LYRM2: variants seen among roughly 807,000 people sequenced by gnomAD.
The protein encoded by LYRM2 is LYR motif-containing protein 2.
A neutral mutation model predicts 11.6 loss-of-function variants in LYRM2; 8 were observed. The observed-to-expected ratio is 0.69, with a 90% CI of 0.40 to 1.24. The LOEUF (loss-of-function observed/expected upper bound fraction) is 1.24. Among genes scored for constraint, LYRM2 ranks in the 50% most tolerant of loss-of-function variants. LYRM2 has a pLI of 0.01. For synonymous variants in LYRM2, 30 were observed against 36.4 expected (o/e 0.83, Z 0.63); for missense variants, 117 against 102.9 (o/e 1.14, Z -0.59).
In LYRM2 at chr6:89,637,050, T is replaced by A. The variant is rs1808025035; in HGVS notation, c.*223A>T. On this transcript the variant is annotated 3_prime_UTR_variant, in exon 3 of 3. Coordinates refer to ENST00000523377, the MANE Select transcript of LYRM2 (RefSeq NM_020466.5). ...ATCTACTGGCCATTTGTTAGTGGTT[T>A]TTTTCTTCTTTTAAGAACTGCTGAG... 1 of 408,934 alleles carries A rather than the reference T, an allele frequency of 2.4e-6. No homozygotes were observed. Among genetic ancestry groups the A allele is most frequent in the African/African-American group, 2.1e-5 (1 of 48,344 alleles). The allele number at this position is 408,934 out of a possible 1,614,324, so 25.3% of individuals were successfully genotyped here.
Position 89,635,640 on chromosome 6 carries a change from A to G in LYRM2, c.*1633T>C, listed in dbSNP as rs1377213484. The G allele has an allele frequency of 6.6e-6, 1 of 152,242 alleles. No individual in the cohort carries two copies. Among genetic ancestry groups the G allele is most frequent in the Non-Finnish European group, 1.5e-5 (1 of 68,038 alleles). The allele number at this position is 152,242 out of a possible 1,614,324, so 9.4% of individuals were successfully genotyped here. A position where few individuals can be genotyped will look rare whatever the true frequency, so the allele number is the denominator to read the frequency against. ...AGCTTCTTAGCTGTTCTGTTGATAA[A>G]CAGAAGACTTCAATTTTCAGGATGG... On this transcript the variant is annotated 3_prime_UTR_variant, in exon 3 of 3. Transcript: ENST00000523377.
chr6:89,638,211 G>T lies in LYRM2; in HGVS notation c.46-329C>A, dbSNP rs570203419. On this transcript the variant is annotated intron_variant, in intron 1 of 2. Transcript: ENST00000523377. ...AAAGAAAGCATCACGAGGTTCATCT[G>T]ATCTTTTTGCTTACTGCTCTGTCAA... 2.6e-3 allele frequency: 2,425 copies of T among 919,094 alleles called. 6 individuals carry two copies. The highest frequency in any genetic ancestry group is 3.0e-3 in the Non-Finnish European group (2,159 of 724,170). The allele number at this position is 919,094 out of a possible 1,614,324, so 56.9% of individuals were successfully genotyped here.
At position 89,637,236 on chromosome 6, in the gene LYRM2, A is replaced by G. The variant is rs1398642432; in HGVS notation, c.*37T>C. The G allele has an allele frequency of 7.1e-6, 7 of 981,350 alleles. No individual in the cohort carries two copies. In the African/African-American group the frequency reaches 9.6e-5, roughly 13 times the overall value. 60.8% of individuals were successfully genotyped at this position (981,350 alleles called of 1,614,324 possible). A position where few individuals can be genotyped will look rare whatever the true frequency, so the allele number is the denominator to read the frequency against. On this transcript the variant is annotated 3_prime_UTR_variant, in exon 3 of 3. Transcript: ENST00000523377. ...GTTAATCCTAAATGCAACAAAACAC[A>G]TGGAGACTTTGAAAATCCTTCAGAA...
rs190381582 is a variant in LYRM2 at position 89,634,202 on chromosome 6, C to G, written c.*3071G>C. On this transcript the variant is annotated 3_prime_UTR_variant, in exon 3 of 3. Transcript: ENST00000523377. ...TCTTTGAAGTGTGGATTATAAAAGCCAATCAAAGACAAAACCAGTTTGAAA... is the reference window on the plus strand; with the variant it reads ...TCTTTGAAGTGTGGATTATAAAAGCGAATCAAAGACAAAACCAGTTTGAAA... 1.5e-3 allele frequency: 225 copies of G among 152,248 alleles called. 2 individuals carry two copies. The highest frequency in any genetic ancestry group is 5.3e-3 in the African/African-American group (220 of 41,542). The allele number at this position is 152,248 out of a possible 1,614,324, so 9.4% of individuals were successfully genotyped here.
At position 89,637,803 on chromosome 6, in the gene LYRM2, C is replaced by T; in HGVS notation, c.125G>A (p.Arg42His). The T allele has an allele frequency of 5.0e-6, 8 of 1,613,902 alleles. No homozygotes were observed. Among genetic ancestry groups the T allele is most frequent in the Non-Finnish European group, 6.8e-6 (8 of 1,179,880 alleles). Residue 42 changes from arginine (R) to histidine (H), a missense_variant, in exon 2 of 3, where the codon CGC becomes CAC. By Grantham distance (29) the Arg-to-His change is conservative. Coordinates refer to ENST00000523377, the MANE Select transcript of LYRM2 (RefSeq NM_020466.5). ...TIRQVPNDSD[R>H]KYLKDWAREE... ...TCTTGCCCAATCTTTCAGGTATTTGCGATCAGAATCATTTGGAACTTGCCG... is the reference window on the plus strand; with the variant it reads ...TCTTGCCCAATCTTTCAGGTATTTGTGATCAGAATCATTTGGAACTTGCCG...
chr6:89,634,764 G>T lies in LYRM2; in HGVS notation c.*2509C>A, dbSNP rs1807937499. The T allele has an allele frequency of 6.6e-6, 1 of 152,226 alleles. No individual in the cohort carries two copies. The highest frequency in any genetic ancestry group is 2.1e-4 in the South Asian group (1 of 4,830). 9.4% of individuals were successfully genotyped at this position (152,226 alleles called of 1,614,324 possible). A position where few individuals can be genotyped will look rare whatever the true frequency, so the allele number is the denominator to read the frequency against. ...ACATCTATGGCAATGCTTGTACCATGAATTTAAAACTTCTAACTTGATGGC... is the reference window on the plus strand; with the variant it reads ...ACATCTATGGCAATGCTTGTACCATTAATTTAAAACTTCTAACTTGATGGC... On this transcript the variant is annotated 3_prime_UTR_variant, in exon 3 of 3. Coordinates refer to ENST00000523377, the MANE Select transcript of LYRM2 (RefSeq NM_020466.5).
At position 89,635,101 on chromosome 6, in the gene LYRM2, G is replaced by C. The variant is rs1296277546; in HGVS notation, c.*2172C>G. 6.6e-6 allele frequency: 1 copy of C among 152,188 alleles called. No homozygotes were observed. Among genetic ancestry groups the C allele is most frequent in the Non-Finnish European group, 1.5e-5 (1 of 68,036 alleles). 9.4% of individuals were successfully genotyped at this position (152,188 alleles called of 1,614,324 possible). On this transcript the variant is annotated 3_prime_UTR_variant, in exon 3 of 3. Coordinates refer to ENST00000523377, the MANE Select transcript of LYRM2 (RefSeq NM_020466.5). ...TTAGGTTTTCTTGGAGTCTGTGCTA[G>C]TTGAATCTTGCAAATGCAAACCACA...
rs1025745645 is a variant in LYRM2 at position 89,633,331 on chromosome 6, G to C, written c.*3942C>G. On this transcript the variant is annotated 3_prime_UTR_variant, in exon 3 of 3. Transcript: ENST00000523377. The stretch of plus-strand genomic sequence containing the variant: ...ATCTTCAGCAAATGTTGTTTCATCT[G>C]TTTTTGATCCTTGGCATTGTCAAAA... 2 of 152,212 alleles carry C rather than the reference G, an allele frequency of 1.3e-5. No homozygotes were observed. 9.4% of individuals were successfully genotyped at this position (152,212 alleles called of 1,614,324 possible). A position where few individuals can be genotyped will look rare whatever the true frequency, so the allele number is the denominator to read the frequency against.
At chr6:89,637,700 A>T (rs751904706) in intron 2 of LYRM2, 42 bp downstream of exon 2, 9 of 1,577,232 alleles carry the variant, frequency 5.7e-6, no homozygotes, top group Non-Finnish European at 7.7e-6. Flanking sequence ...ACTGATCAAT[A>T]AAAAGGGTTA....
chr6:89,638,314 A>T, intron 1 of LYRM2: 3 of 1,183,066 alleles, frequency 2.5e-6, no homozygotes, highest in Non-Finnish European at 3.1e-6. Context: ...TTGTTATTAC[A>T]ACGACAGCAC....
chr6:89,632,922 T>C lies in LYRM2; in HGVS notation c.*4351A>G, dbSNP rs1388767740. ...AAATCCTGAGTTCAGTAGGCTGTGT[T>C]CCAAGCAGGAATTATTTTCACTTAC... On this transcript the variant is annotated 3_prime_UTR_variant, in exon 3 of 3. Transcript: ENST00000523377. The C allele has an allele frequency of 1.3e-5, 2 of 152,226 alleles. No homozygotes were observed. The highest frequency in any genetic ancestry group is 1.3e-4 in the Admixed American group (2 of 15,286). The allele number at this position is 152,226 out of a possible 1,614,324, so 9.4% of individuals were successfully genotyped here.
rs958483090 is a variant in LYRM2 at position 89,634,092 on chromosome 6, ACAT to A, written c.*3178_*3180del. On this transcript the variant is annotated 3_prime_UTR_variant, in exon 3 of 3. Coordinates refer to ENST00000523377, the MANE Select transcript of LYRM2 (RefSeq NM_020466.5). ...ATACTGGACAAAGGGGAAGGACAAA[ACAT>A]CATTTGCAATAGTTAAAGGTTATGC... The A allele has an allele frequency of 1.3e-5, 2 of 152,252 alleles. No individual in the cohort carries two copies. Among genetic ancestry groups the A allele is most frequent in the African/African-American group, 4.8e-5 (2 of 41,472 alleles). The allele number at this position is 152,252 out of a possible 1,614,324, so 9.4% of individuals were successfully genotyped here.
Position 89,632,330 on chromosome 6 carries a change from T to TA in LYRM2, c.*4942dup, listed in dbSNP as rs1491276345. 1 of 151,028 alleles carries TA rather than the reference T, an allele frequency of 6.6e-6. No homozygotes were observed. Among genetic ancestry groups the TA allele is most frequent in the Admixed American group, 6.6e-5 (1 of 15,078 alleles). The allele number at this position is 151,028 out of a possible 1,614,324, so 9.4% of individuals were successfully genotyped here. ...CAGTTTTAGGGTTTTTTCTTTTTTT[T>TA]ATAGTGACAATCCATAGATATAGAC... On this transcript the variant is annotated 3_prime_UTR_variant, in exon 3 of 3. Transcript: ENST00000523377.
At position 89,637,724 on chromosome 6, in the gene LYRM2, C is replaced by A. The variant is rs1370786922; in HGVS notation, c.186+18G>T. 6.2e-7 allele frequency: 1 copy of A among 1,612,946 alleles called. No individual in the cohort carries two copies. The highest frequency in any genetic ancestry group is 8.5e-7 in the Non-Finnish European group (1 of 1,179,510). On this transcript the variant is annotated intron_variant, in intron 2 of 2. Transcript: ENST00000523377. Reference sequence around the variant, plus strand: ...TAAAAAGGGTTAGGATCTGTCCTCACCATGATTTTGTTCTCACCTCTTCGG... The same window carrying A: ...TAAAAAGGGTTAGGATCTGTCCTCAACATGATTTTGTTCTCACCTCTTCGG...
In LYRM2 at chr6:89,637,577, CTAA is replaced by C. The variant is rs562028476; in HGVS notation, c.186+162_186+164del. 2.2e-3 allele frequency: 1,483 copies of C among 663,898 alleles called. 19 individuals carry two copies. The highest frequency in any genetic ancestry group is 7.7e-4 in the Non-Finnish European group (321 of 414,410). The allele number at this position is 663,898 out of a possible 1,614,324, so 41.1% of individuals were successfully genotyped here. A position where few individuals can be genotyped will look rare whatever the true frequency, so the allele number is the denominator to read the frequency against. On this transcript the variant is annotated intron_variant, in intron 2 of 2. Coordinates refer to ENST00000523377, the MANE Select transcript of LYRM2 (RefSeq NM_020466.5). ...TCTTTTATCTACATATTTTAAAATA[CTAA>C]ATTTTAAAATAATAATTTAAAATCG... is the stretch of plus-strand genomic sequence containing the variant.
intron 2 of LYRM2, 120 bp from the exon 3 acceptor site, chr6:89,637,473 A>G (rs1303076430): frequency 1.4e-6 from 1 of 696,176 alleles, no homozygotes; most frequent in African/African-American, 1.8e-5. Flanking sequence ...CCTTTTAGAA[A>G]AGCTAAAAGA....
Position 89,634,176 on chromosome 6 carries a change from T to C in LYRM2, c.*3097A>G, listed in dbSNP as rs919860763. On this transcript the variant is annotated 3_prime_UTR_variant, in exon 3 of 3. Coordinates refer to ENST00000523377, the MANE Select transcript of LYRM2 (RefSeq NM_020466.5). Reference sequence around the variant, plus strand: ...AGTTATTAAAAGTTAAATGCATTTCTTCTTTGAAGTGTGGATTATAAAAGC... The same window carrying C: ...AGTTATTAAAAGTTAAATGCATTTCCTCTTTGAAGTGTGGATTATAAAAGC... 3.3e-5 allele frequency: 5 copies of C among 152,256 alleles called. No homozygotes were observed. The highest frequency in any genetic ancestry group is 1.2e-4 in the African/African-American group (5 of 41,466). The allele number at this position is 152,256 out of a possible 1,614,324, so 9.4% of individuals were successfully genotyped here. A position where few individuals can be genotyped will look rare whatever the true frequency, so the allele number is the denominator to read the frequency against.
At position 89,637,894 on chromosome 6, in the gene LYRM2, A is replaced by T; in HGVS notation, c.46-12T>A. 6.2e-7 allele frequency: 1 copy of T among 1,610,776 alleles called. No homozygotes were observed. Among genetic ancestry groups the T allele is most frequent in the Non-Finnish European group, 8.5e-7 (1 of 1,177,860 alleles). On this transcript the variant is annotated splice_polypyrimidine_tract_variant and intron_variant, in intron 1 of 2. Transcript: ENST00000523377. ...TGCCTTCTTACGAACTGTAAAAGGG[A>T]GGAGTAAATAGCAATTACTACTGCA...
rs369897343 is a variant in LYRM2 at position 89,638,010 on chromosome 6, C to CT, written c.46-129dup. Reference sequence around the variant, plus strand: ...CAATTTTGAAAAAGGCAAAGAAAAACTTTTTTTTTTCTTTTTTTGGCCAGA... The same window carrying CT: ...CAATTTTGAAAAAGGCAAAGAAAAACTTTTTTTTTTTCTTTTTTTGGCCAGA... On this transcript the variant is annotated intron_variant, in intron 1 of 2. Transcript: ENST00000523377. The CT allele has an allele frequency of 6.4e-3, 6,463 of 1,010,034 alleles. 10 individuals are homozygous for CT. Among genetic ancestry groups the CT allele is most frequent in the South Asian group, 0.018 (983 of 55,784 alleles). 62.6% of individuals were successfully genotyped at this position (1,010,034 alleles called of 1,614,324 possible). A position where few individuals can be genotyped will look rare whatever the true frequency, so the allele number is the denominator to read the frequency against.
Sources: gnomAD v4.1 joint callset for allele counts on GRCh38, gnomAD v4.1.1 for gene constraint, MANE v1.5 for transcripts, NCBI Gene and HGNC (gene_info 2026-07-23, HGNC 2026-07-21) for gene names.